NIPA1: variants seen among roughly 807,000 people sequenced by gnomAD.
NIPA1 encodes NIPA magnesium transporter 1.
NIPA1 carries 13 observed loss-of-function variants against 23.9 expected under a neutral mutation model. The observed-to-expected ratio is 0.54, with a 90% CI of 0.35 to 0.87. NIPA1 has a LOEUF of 0.87. Among genes scored for constraint, NIPA1 ranks in the 40% least tolerant of loss-of-function variants. The pLI, the probability that NIPA1 is intolerant of heterozygous loss-of-function variation, is 0.01. For missense variants in NIPA1, 362 were observed against 429.7 expected (o/e 0.84, Z 1.39); for synonymous variants, 234 against 202.9 (o/e 1.15, Z -1.30).
At chr15:22,809,745 A>G (rs55837922) in intron 1 of NIPA1, among the ~76,000 whole-genome samples, 10,388 of 72,670 alleles carry the variant, frequency 0.14, 800 homozygotes, top group African/African-American at 0.5. Context: ...ACTCTGTCTG[A>G]AAAAAAAAAA....
chr15:22,826,047 G>A lies in NIPA1; in HGVS notation c.*1808G>A, dbSNP rs560461962. 3.3e-5 allele frequency: 5 copies of A among 151,860 alleles called. No individual in the cohort carries two copies. The highest frequency in any genetic ancestry group is 4.8e-5 in the African/African-American group (2 of 41,382). 9.4% of individuals were successfully genotyped at this position (151,860 alleles called of 1,614,324 possible). ...ATTAGGTGAAGTAGAACATAAAATT[G>A]AATAGTACCCAATTAAAGTTCCTCA... On this transcript the variant is annotated 3_prime_UTR_variant, in exon 5 of 5. Coordinates refer to ENST00000337435, the MANE Select transcript of NIPA1 (RefSeq NM_144599.5).
rs1336967204 is a variant in NIPA1, at chr15:22,826,932, A to G, written c.*2693A>G. 1.3e-5 allele frequency: 2 copies of G among 152,166 alleles called. No homozygotes were observed. The highest frequency in any genetic ancestry group is 2.1e-4 in the South Asian group (1 of 4,830). The allele number at this position is 152,166 out of a possible 1,614,324, so 9.4% of individuals were successfully genotyped here. A position where few individuals can be genotyped will look rare whatever the true frequency, so the allele number is the denominator to read the frequency against. On this transcript the variant is annotated 3_prime_UTR_variant, in exon 5 of 5. Transcript: ENST00000337435. Reference sequence around the variant, plus strand: ...AATTTTCAAATTTAATATAGAGCATATAACTTCTGATTTGATAGTATTTAT... The same window carrying G: ...AATTTTCAAATTTAATATAGAGCATGTAACTTCTGATTTGATAGTATTTAT...
chr15:22,795,590 C>G (rs1371614720), intron 1 of NIPA1, among the ~76,000 whole-genome samples: 1 of 152,178 alleles, frequency 6.6e-6, no homozygotes, highest in African/African-American at 2.4e-5. Context: ...GCGTGCTGGT[C>G]TCTGGGAAGC....
intron 3 of NIPA1, among the ~76,000 whole-genome samples, chr15:22,817,729 C>T (rs1352287250): frequency 2.6e-5 from 4 of 151,780 alleles, no homozygotes; most frequent in Admixed American, 6.6e-5. Context: ...GGCGTGAACC[C>T]GGGAGGCGGA....
intron 1 of NIPA1, among the ~76,000 whole-genome samples, chr15:22,810,336 C>T (rs1358955163): frequency 3.3e-5 from 5 of 152,136 alleles, no homozygotes; most frequent in African/African-American, 7.2e-5. Flanking sequence ...CTTGTTTAAG[C>T]AGGAAGTCAA....
chr15:22,806,202 C>T (rs578166636), intron 1 of NIPA1, among the ~76,000 whole-genome samples: 3 of 152,310 alleles, frequency 2.0e-5, no homozygotes, highest in African/African-American at 7.2e-5. Flanking sequence ...GGATTACAGG[C>T]GTGAGCCACC....
rs760522692 is a variant in NIPA1, at chr15:22,824,029, C to T, written c.780C>T (p.Phe260=). The change falls in exon 5 of 5, where the codon TTC becomes TTT. Residue 260 remains phenylalanine (F), a synonymous_variant. Transcript: ENST00000337435. This position sits in a 1 kb window ranked among gnomAD's most constrained non-coding sequence, Gnocchi z 4.1. Reference sequence around the variant, plus strand: ...TGGAGTGCTTCGACTCCTCGGTGTTCGGGGCCATCTACTACGTCGTGTTTA... The same window carrying T: ...TGGAGTGCTTCGACTCCTCGGTGTTTGGGGCCATCTACTACGTCGTGTTTA... ...KALECFDSSV[F]GAIYYVVFTT... The T allele has an allele frequency of 2.4e-5, 38 of 1,613,978 alleles. No homozygotes were observed. Among genetic ancestry groups the T allele is most frequent in the African/African-American group, 4.0e-5 (3 of 74,926 alleles).
intron 1 of NIPA1, among the ~76,000 whole-genome samples, chr15:22,790,413 C>G (rs1894802609): frequency 2.0e-5 from 3 of 148,018 alleles, no homozygotes; most frequent in Non-Finnish European, 3.0e-5. Context: ...GCCTCGGCCT[C>G]CCAAAGTGCT....
chr15:22,801,392 G>C (rs971931956), intron 1 of NIPA1, among the ~76,000 whole-genome samples: 2 of 152,016 alleles, frequency 1.3e-5, no homozygotes, highest in East Asian at 1.9e-4. Context: ...TCAGGCCTCA[G>C]GGTGCGTGGG....
intron 1 of NIPA1, among the ~76,000 whole-genome samples, chr15:22,788,498 C>CAAA (rs905296655): frequency 5.6e-5 from 5 of 89,586 alleles, no homozygotes; most frequent in East Asian, 3.1e-4. Flanking sequence ...GACTCCATCT[C>CAAA]AAAAAAAAAA....
intron 1 of NIPA1, among the ~76,000 whole-genome samples, chr15:22,794,593 C>T (rs1360863688): frequency 6.6e-6 from 1 of 152,080 alleles, no homozygotes; most frequent in Non-Finnish European, 1.5e-5. Context: ...TGCAGCCATG[C>T]TGTGGAGATG....
At chr15:22,805,089 C>T (rs1203549592) in intron 1 of NIPA1, among the ~76,000 whole-genome samples, 2 of 152,124 alleles carry the variant, frequency 1.3e-5, no homozygotes, top group Non-Finnish European at 2.9e-5. Context: ...ATCCACCTGC[C>T]TCAGCCTCCC....
intron 1 of NIPA1, among the ~76,000 whole-genome samples, chr15:22,806,334 A>C (rs1295405504): frequency 1.3e-5 from 2 of 152,212 alleles, no homozygotes; most frequent in Non-Finnish European, 2.9e-5. Flanking sequence ...TCATCCTGGC[A>C]AGGCTCTTTT....
chr15:22,808,679 C>CTTTTTTTTT lies in NIPA1; in HGVS notation c.179-2062_179-2061insTTTTTTTTT, dbSNP rs59983551. 2.3e-4 allele frequency among the ~76,000 whole-genome samples: 30 copies of CTTTTTTTTT among 128,334 alleles called. 11 individuals carry two copies. The highest frequency in any genetic ancestry group is 2.8e-4 in the Non-Finnish European group (18 of 63,478). The allele number at this position is 128,334 out of a possible 152,430, so 84.2% of individuals were successfully genotyped here. A position where few individuals can be genotyped will look rare whatever the true frequency, so the allele number is the denominator to read the frequency against. ...TGTGATGTGATCAAATAGCAATATT[C>CTTTTTTTTT]TTTTTTTTGAGACAGTGTCTCACTC... is the stretch of plus-strand genomic sequence containing the variant. On this transcript the variant is annotated intron_variant, in intron 1 of 4. Transcript: ENST00000337435.
chr15:22,807,933 AC>A (rs1182566166), intron 1 of NIPA1, among the ~76,000 whole-genome samples: 1 of 151,640 alleles, frequency 6.6e-6, no homozygotes, highest in Non-Finnish European at 1.5e-5. Context: ...ACAGGCGCCC[AC>A]CACCATGCCC....
rs1400189696 is a variant in NIPA1, at chr15:22,817,184, C to A, written c.318-3129C>A. Among the ~76,000 whole-genome samples the A allele has an allele frequency of 4.2e-5, 3 of 71,798 alleles. No homozygotes were observed. The East Asian group carries it at 1.1e-3, about 27-fold the overall frequency. 47.1% of individuals were successfully genotyped at this position (71,798 alleles called of 152,430 possible). A position where few individuals can be genotyped will look rare whatever the true frequency, so the allele number is the denominator to read the frequency against. On this transcript the variant is annotated intron_variant, in intron 3 of 4. Transcript: ENST00000337435. ...CCCAGGCAACAGAGTGAGACTCTGT[C>A]TCAAAAAAAAAAAAAAAAAAAAAAA...
At chr15:22,813,767 G>T in intron 3 of NIPA1, 1 of 444,360 alleles carries the variant, frequency 2.3e-6, no homozygotes, top group Non-Finnish European at 4.5e-6. Flanking sequence ...GAGAATGTGT[G>T]TGTGGCACAT....
chr15:22,800,004 G>A (rs1895041180), intron 1 of NIPA1, among the ~76,000 whole-genome samples: 2 of 150,662 alleles, frequency 1.3e-5, no homozygotes, highest in Non-Finnish European at 3.0e-5. Flanking sequence ...AGACACTGGG[G>A]ACTGCTAGAG....
At chr15:22,819,027 T>A (rs1467664682) in intron 3 of NIPA1, among the ~76,000 whole-genome samples, 1 of 152,066 alleles carries the variant, frequency 6.6e-6, no homozygotes, top group Non-Finnish European at 1.5e-5. Flanking sequence ...TCGGTGGAGC[T>A]TCTCTATTTA....
Sources: gnomAD v4.1 joint callset for allele counts (sites outside exome capture counted in the v4.1 genomes callset) on GRCh38, gnomAD v4.1.1 for gene constraint, Gnocchi (gnomAD v3.1) non-coding constraint, MANE v1.5 for transcripts, NCBI Gene and HGNC (gene_info 2026-07-23, HGNC 2026-07-21) for gene names.